Variants in CPNE2 observed in about 807,000 individuals in gnomAD.
CPNE2 encodes copine 2, also known as copine-2.
Under a neutral mutation model 69.7 loss-of-function variants are expected in CPNE2, and 42 were observed. That is an observed-to-expected ratio of 0.60 (90% CI 0.47 to 0.78). CPNE2 has a LOEUF of 0.78. Among genes scored for constraint, CPNE2 ranks in the 30% least tolerant of loss-of-function variants. The probability of loss-of-function intolerance (pLI) is 0.00; values close to 1 mark genes in which losing one functional copy is unlikely to be tolerated. For synonymous variants in CPNE2, 294 were observed against 289.8 expected (o/e 1.01, Z -0.15); for missense variants, 587 against 732.0 (o/e 0.80, Z 2.29).
At chr16:57,147,253 G>A (rs1323851294) in intron 15 of CPNE2, 2 of 302,642 alleles carry the variant, frequency 6.6e-6, no homozygotes, top group African/African-American at 2.1e-5. Context: ...ATGTTTGCCG[G>A]ACACATAGGT....
intron 1 of CPNE2, among the ~76,000 whole-genome samples, chr16:57,102,216 C>T (rs958567128): frequency 1.3e-5 from 2 of 152,102 alleles, no homozygotes; most frequent in Non-Finnish European, 2.9e-5. Flanking sequence ...TCCCAAAGTG[C>T]GGGGATAACA....
chr16:57,106,663 A>G (rs2069650614), intron 1 of CPNE2, among the ~76,000 whole-genome samples: 1 of 145,776 alleles, frequency 6.9e-6, no homozygotes, highest in South Asian at 2.1e-4. Context: ...GGTGGCATCT[A>G]ACATGTCACA....
chr16:57,126,055 G>A (rs2069798953), intron 11 of CPNE2, 62 bp downstream of exon 11: 2 of 1,597,696 alleles, frequency 1.3e-6, no homozygotes, highest in Non-Finnish European at 1.7e-6. Context: ...GAAGCTCAGT[G>A]TATCAAAGCT....
intron 9 of CPNE2, among the ~76,000 whole-genome samples, chr16:57,122,594 T>G (rs2069771157): frequency 1.3e-5 from 2 of 152,220 alleles, no homozygotes; most frequent in South Asian, 2.1e-4. Context: ...GTATTATTGT[T>G]TTTTGTTTTT....
chr16:57,128,529 G>A (rs2145267794), intron 12 of CPNE2, among the ~76,000 whole-genome samples: 1 of 152,262 alleles, frequency 6.6e-6, no homozygotes, highest in Middle Eastern at 3.4e-3. Context: ...GACCAGTGCA[G>A]ATAAACAATT....
intron 2 of CPNE2, among the ~76,000 whole-genome samples, 194 bp downstream of exon 2, chr16:57,111,116 G>A (rs757847243): frequency 1.3e-5 from 2 of 150,120 alleles, no homozygotes; most frequent in African/African-American, 4.9e-5. Flanking sequence ...ATTACTTTGT[G>A]TTTAAATTAT....
chr16:57,128,664 C>T (rs1396064901), intron 12 of CPNE2, among the ~76,000 whole-genome samples: 6 of 152,102 alleles, frequency 3.9e-5, no homozygotes, highest in African/African-American at 7.2e-5. Context: ...ATTACGAGGA[C>T]GTATTGTGTG....
chr16:57,147,306 A>G (rs1216938853), intron 15 of CPNE2: 1 of 378,564 alleles, frequency 2.6e-6, no homozygotes, highest in African/African-American at 2.1e-5. Flanking sequence ...ACTCCCAAGC[A>G]TCTCAAGTGC....
chr16:57,107,360 C>A (rs1404458270), intron 1 of CPNE2, among the ~76,000 whole-genome samples: 1 of 152,200 alleles, frequency 6.6e-6, no homozygotes, highest in Non-Finnish European at 1.5e-5. Flanking sequence ...CCAGCTTCAT[C>A]GTTGTCCAGA....
rs1485877111 is a variant in CPNE2 at position 57,126,859 on chromosome 16, G to A, written c.1061+866G>A. 7.9e-5 allele frequency among the ~76,000 whole-genome samples: 12 copies of A among 152,240 alleles called. No homozygotes were observed. In the East Asian group the frequency reaches 2.3e-3, roughly 29 times the overall value. On this transcript the variant is annotated intron_variant, in intron 11 of 15. Transcript: ENST00000290776. Reference sequence around the variant, plus strand: ...CAGCCCATCACCGAGCTGTCTAATGGGCATTAAGACTTAGCATGGCCCCAG... The same window carrying A: ...CAGCCCATCACCGAGCTGTCTAATGAGCATTAAGACTTAGCATGGCCCCAG...
intron 14 of CPNE2, chr16:57,144,525 CT>C (rs1295737814): frequency 2.6e-5 from 4 of 152,304 alleles, no homozygotes; most frequent in Non-Finnish European, 5.9e-5. Context: ...CCAGTTTCCT[CT>C]TCTGGAAGAC....
At chr16:57,137,342 G>A (rs1289907881) in intron 14 of CPNE2, 60 bp downstream of exon 14, 7 of 1,592,662 alleles carry the variant, frequency 4.4e-6, no homozygotes, top group South Asian at 3.4e-5. Context: ...TGGGCTGGGG[G>A]GCAGGATATT....
chr16:57,120,342 A>G (rs905093399), intron 7 of CPNE2, among the ~76,000 whole-genome samples: 11 of 151,824 alleles, frequency 7.2e-5, no homozygotes, highest in African/African-American at 2.4e-4. Flanking sequence ...TGGGAGGCCA[A>G]GGTGGGTGGA....
intron 1 of CPNE2, among the ~76,000 whole-genome samples, chr16:57,099,436 A>G (rs1425527687): frequency 2.0e-5 from 3 of 152,268 alleles, no homozygotes; most frequent in East Asian, 1.9e-4. Context: ...TTGGGTGAAC[A>G]TACGTGAGTG....
At chr16:57,124,287 G>T (rs2069784439) in intron 10 of CPNE2, 7 of 417,704 alleles carry the variant, frequency 1.7e-5, no homozygotes, top group South Asian at 3.3e-5. Context: ...TTGCTATGTT[G>T]CCCAGGCTGG....
At chr16:57,093,295 G>T (rs372024894) in intron 1 of CPNE2, among the ~76,000 whole-genome samples, 1 of 152,088 alleles carries the variant, frequency 6.6e-6, no homozygotes, top group Non-Finnish European at 1.5e-5. Flanking sequence ...GAGCGCAGAG[G>T]GGGAGTGGAG....
chr16:57,115,176 G>A (rs990103379), intron 3 of CPNE2, among the ~76,000 whole-genome samples: 1 of 152,158 alleles, frequency 6.6e-6, no homozygotes, highest in Non-Finnish European at 1.5e-5. Flanking sequence ...GAGTTAGGGG[G>A]CTAACCTCCC....
Position 57,097,539 on chromosome 16 carries a change from G to A in CPNE2, c.-36+4749G>A, listed in dbSNP as rs192765685. Among the ~76,000 whole-genome samples, 548 of 152,270 alleles carry A rather than the reference G, an allele frequency of 3.6e-3. 5 individuals are homozygous for A. The highest frequency in any genetic ancestry group is 6.8e-3 in the Middle Eastern group (2 of 294). ...AAGAACATCATGAAGAAAGTAGTGG[G>A]GACAGCTCTAGTTAGCAGCAGCTCC... On this transcript the variant is annotated intron_variant, in intron 1 of 15. Coordinates refer to ENST00000290776, the MANE Select transcript of CPNE2 (RefSeq NM_152727.6).
At chr16:57,137,329 C>G in intron 14 of CPNE2, 47 bp downstream of exon 14, 1 of 1,607,144 alleles carries the variant, frequency 6.2e-7, no homozygotes, top group Non-Finnish European at 8.5e-7. Context: ...CACGCACGTC[C>G]TCTGGGCTGG....
Sources: gnomAD v4.1 joint callset for allele counts (sites outside exome capture counted in the v4.1 genomes callset) on GRCh38, gnomAD v4.1.1 for gene constraint, MANE v1.5 for transcripts, NCBI Gene and HGNC (gene_info 2026-07-23, HGNC 2026-07-21) for gene names.